Variants in SLC66A3 observed in about 807,000 individuals in gnomAD.
The protein encoded by SLC66A3 is solute carrier family 66 member 3.
A neutral mutation model predicts 25.5 loss-of-function variants in SLC66A3; 23 were observed. The ratio of observed to expected loss-of-function variants is 0.90; its 90% CI spans 0.65 to 1.28. SLC66A3 has a LOEUF of 1.28. Ranked by LOEUF, SLC66A3 falls within the 50% of genes most tolerant of loss-of-function variation. The probability of loss-of-function intolerance (pLI) is 0.00; values close to 1 mark genes in which losing one functional copy is unlikely to be tolerated. For synonymous variants in SLC66A3, 108 were observed against 112.6 expected (o/e 0.96, Z 0.26); for missense variants, 246 against 262.1 (o/e 0.94, Z 0.42).
At chr2:11,175,982 A>T (rs1159453991) in intron 6 of SLC66A3, among the ~76,000 whole-genome samples, 1 of 152,214 alleles carries the variant, frequency 6.6e-6, no homozygotes, top group Non-Finnish European at 1.5e-5. Flanking sequence ...TGATAGGACT[A>T]AAATTGTTCT....
chr2:11,157,273 G>T (rs866965823), intron 1 of SLC66A3, among the ~76,000 whole-genome samples: 4 of 152,382 alleles, frequency 2.6e-5, no homozygotes, highest in African/African-American at 7.2e-5. Flanking sequence ...TCAAGGGTTG[G>T]GTGGGGCAGC....
chr2:11,165,801 G>A (rs572550951), intron 4 of SLC66A3, among the ~76,000 whole-genome samples: 6 of 152,348 alleles, frequency 3.9e-5, no homozygotes, highest in Admixed American at 2.6e-4. Context: ...ATCACTCGCG[G>A]TTAGGGGCTG....
rs1329220544 is a variant in SLC66A3, at chr2:11,178,094, G to GA, written c.*268dup. ...CCAGTCACTGTTGGAAGTCATCCAA[G>GA]AAGCCCATTTTGAGGCCATTTTGAG... On this transcript the variant is annotated 3_prime_UTR_variant, in exon 7 of 7. Coordinates refer to ENST00000295083, the MANE Select transcript of SLC66A3 (RefSeq NM_152391.5). 1.7e-5 allele frequency: 5 copies of GA among 298,888 alleles called. No individual in the cohort carries two copies. The highest frequency in any genetic ancestry group is 3.0e-5 in the Non-Finnish European group (5 of 165,076). 18.5% of individuals were successfully genotyped at this position (298,888 alleles called of 1,614,324 possible). A position where few individuals can be genotyped will look rare whatever the true frequency, so the allele number is the denominator to read the frequency against.
At chr2:11,161,923 AG>A (rs924562843) in intron 3 of SLC66A3, among the ~76,000 whole-genome samples, 20 of 152,300 alleles carry the variant, frequency 1.3e-4, no homozygotes, top group African/African-American at 4.6e-4. Context: ...TGGAGGAAGG[AG>A]GGCAGAGCCA....
chr2:11,163,644 G>A (rs965764665), intron 3 of SLC66A3, among the ~76,000 whole-genome samples: 5 of 152,188 alleles, frequency 3.3e-5, no homozygotes, highest in African/African-American at 7.2e-5. Flanking sequence ...AGCCCTGGCC[G>A]CTGTCTCCTG....
At chr2:11,170,144 CT>C (rs565687719) in intron 4 of SLC66A3, among the ~76,000 whole-genome samples, 97 of 152,210 alleles carry the variant, frequency 6.4e-4, no homozygotes, top group African/African-American at 1.9e-3. Context: ...CCAGATTTCT[CT>C]TTTTGCCACA....
At chr2:11,163,084 A>C (rs561692412) in intron 3 of SLC66A3, among the ~76,000 whole-genome samples, 2 of 152,340 alleles carry the variant, frequency 1.3e-5, no homozygotes, top group Non-Finnish European at 2.9e-5. Flanking sequence ...CTCCAAAAAT[A>C]TAAGAGAAAA....
chr2:11,163,465 T>C (rs937069304), intron 3 of SLC66A3, among the ~76,000 whole-genome samples: 26 of 152,248 alleles, frequency 1.7e-4, no homozygotes, highest in South Asian at 2.1e-4. Context: ...GCACAGGGCA[T>C]TGTCTGTTTC....
intron 3 of SLC66A3, among the ~76,000 whole-genome samples, chr2:11,162,728 T>G (rs1420487043): frequency 6.6e-6 from 1 of 152,140 alleles, no homozygotes; most frequent in Non-Finnish European, 1.5e-5. Flanking sequence ...TGCCTCAGCC[T>G]CCCGAGTAGC....
chr2:11,177,708 T>C (rs1054865964), intron 6 of SLC66A3, 29 bp from the exon 7 acceptor site: 26 of 1,490,376 alleles, frequency 1.7e-5, no homozygotes, highest in Non-Finnish European at 2.3e-5. Context: ...GTAAAGACAG[T>C]TTTTAATACA....
intron 1 of SLC66A3, among the ~76,000 whole-genome samples, chr2:11,156,094 C>T (rs1271633896): frequency 6.6e-6 from 1 of 152,232 alleles, no homozygotes; most frequent in Admixed American, 6.5e-5. Context: ...TCGGTTTCCT[C>T]ACCTGTGAAA....
chr2:11,170,980 T>A (rs148900491), intron 4 of SLC66A3, among the ~76,000 whole-genome samples: 4 of 152,302 alleles, frequency 2.6e-5, no homozygotes, highest in Non-Finnish European at 4.4e-5. Flanking sequence ...AAACTAGCTC[T>A]GGCCATTAGT....
At chr2:11,159,075 G>A (rs1288702270) in intron 1 of SLC66A3, among the ~76,000 whole-genome samples, 1 of 152,242 alleles carries the variant, frequency 6.6e-6, no homozygotes, top group African/African-American at 2.4e-5. Flanking sequence ...ACCCCTGAAG[G>A]TGAGAACGGG....
intron 5 of SLC66A3, among the ~76,000 whole-genome samples, 197 bp downstream of exon 5, chr2:11,172,242 A>C (rs572244924): frequency 7.0e-6 from 1 of 143,598 alleles, no homozygotes; most frequent in East Asian, 2.0e-4. Context: ...TTTCTGTAAA[A>C]TCCAAGTTGC....
intron 5 of SLC66A3, among the ~76,000 whole-genome samples, chr2:11,174,303 C>G (rs559058659): frequency 6.6e-6 from 1 of 152,176 alleles, no homozygotes; most frequent in East Asian, 1.9e-4. Context: ...ATAAAACTAC[C>G]CAGATGCTCA....
intron 4 of SLC66A3, among the ~76,000 whole-genome samples, chr2:11,164,691 G>A (rs557165453): frequency 3.6e-4 from 54 of 151,382 alleles, no homozygotes; most frequent in African/African-American, 6.6e-4. Flanking sequence ...GCGGCCTTCC[G>A]CAGTGTTTGT....
rs941112252 is a variant in SLC66A3 at position 11,167,856 on chromosome 2, C to A, written c.354+3595C>A. Among the ~76,000 whole-genome samples, 5 of 152,278 alleles carry A rather than the reference C, an allele frequency of 3.3e-5. No individual in the cohort carries two copies. The East Asian group carries it at 9.6e-4, about 29-fold the overall frequency. On this transcript the variant is annotated intron_variant, in intron 4 of 6. Transcript: ENST00000295083. ...TGGAAAACCTCCATTGTAGAATGTT[C>A]CATTTTTTTGGCTTTCAAATGCAGG...
At chr2:11,162,988 C>G (rs780367894) in intron 3 of SLC66A3, among the ~76,000 whole-genome samples, 5 of 152,102 alleles carry the variant, frequency 3.3e-5, no homozygotes, top group Non-Finnish European at 7.4e-5. Flanking sequence ...CCTATAATCC[C>G]AGTGTGTTGG....
chr2:11,170,921 T>G (rs1324182662), intron 4 of SLC66A3, among the ~76,000 whole-genome samples: 2 of 152,066 alleles, frequency 1.3e-5, no homozygotes, highest in African/African-American at 4.8e-5. Context: ...GAGGTGTAGA[T>G]AGATGAACCT....
Sources: allele counts gnomAD v4.1 joint callset (sites outside exome capture counted in the v4.1 genomes callset), GRCh38; gene constraint gnomAD v4.1.1; transcripts MANE v1.5; gene names NCBI Gene and HGNC (gene_info 2026-07-23, HGNC 2026-07-21).